The following RRAS2 variants were observed in gnomAD, a reference collection of about 807,000 sequenced individuals.
RRAS2 encodes ras-related protein R-Ras2.
Under a neutral mutation model 27.6 loss-of-function variants are expected in RRAS2, and 7 were observed. The observed-to-expected ratio is 0.25, with a 90% CI of 0.14 to 0.48. RRAS2 has a LOEUF of 0.48. Ranked by LOEUF, RRAS2 falls within the 20% of genes least tolerant of loss-of-function variation. The pLI, the probability that RRAS2 is intolerant of heterozygous loss-of-function variation, is 0.99. For missense variants in RRAS2, 178 were observed against 256.2 expected (o/e 0.69, Z 2.08); for synonymous variants, 86 against 90.9 (o/e 0.95, Z 0.31).
At chr11:14,341,675 A>G (rs1554953285) in intron 1 of RRAS2, 2 of 273,642 alleles carry the variant, frequency 7.3e-6, no homozygotes, top group African/African-American at 4.4e-5. Context: ...ACAAGTCATG[A>G]TACCTTTAAC....
chr11:14,315,243 G>C (rs1425254862), intron 1 of RRAS2, among the ~76,000 whole-genome samples: 3 of 152,166 alleles, frequency 2.0e-5, no homozygotes, highest in African/African-American at 7.2e-5. Flanking sequence ...TCAGCCAGAT[G>C]ATCAGGGTCA....
chr11:14,307,118 G>A (rs1847848704), intron 1 of RRAS2, among the ~76,000 whole-genome samples: 1 of 151,442 alleles, frequency 6.6e-6, no homozygotes, highest in African/African-American at 2.4e-5. Context: ...GGGAGCTCGG[G>A]AAGTCAAGGC....
chr11:14,293,159 ATATC>A (rs1373560549), intron 4 of RRAS2, among the ~76,000 whole-genome samples: 6 of 123,650 alleles, frequency 4.9e-5, no homozygotes, highest in African/African-American at 1.2e-4. Flanking sequence ...ATATATATAT[ATATC>A]ATTTTCTCTT....
chr11:14,361,070 G>A (rs781835947), upstream of RRAS2, among the ~76,000 whole-genome samples: 18 of 152,010 alleles, frequency 1.2e-4, no homozygotes, highest in Non-Finnish European at 2.2e-4. Context: ...CGGATTGCTC[G>A]CTTGAGCCCA....
intron 4 of RRAS2, among the ~76,000 whole-genome samples, chr11:14,282,033 G>C (rs1554944395): frequency 1.8e-4 from 27 of 152,206 alleles, no homozygotes. Flanking sequence ...ATACAACCCT[G>C]TCAGGGAGAT....
intron 3 of RRAS2, 23 bp from the exon 4 acceptor site, chr11:14,294,602 CAAATT>C: frequency 6.6e-7 from 1 of 1,513,038 alleles, no homozygotes; most frequent in South Asian, 1.2e-5. Context: ...AAATCAAAAA[CAAATT>C]AATCAATTTG....
chr11:14,300,752 C>A (rs1847677229), intron 1 of RRAS2, among the ~76,000 whole-genome samples: 1 of 152,122 alleles, frequency 6.6e-6, no homozygotes, highest in African/African-American at 2.4e-5. Flanking sequence ...AGTATCTCCC[C>A]ATTCAAAGAA....
At chr11:14,346,330 G>C (rs1390689814) in intron 1 of RRAS2, among the ~76,000 whole-genome samples, 1 of 152,176 alleles carries the variant, frequency 6.6e-6, no homozygotes, top group Non-Finnish European at 1.5e-5. Context: ...AGTCTTCCCA[G>C]ACCTGAGAGT....
chr11:14,347,788 G>C (rs1205920933), intron 1 of RRAS2, among the ~76,000 whole-genome samples: 1 of 151,860 alleles, frequency 6.6e-6, no homozygotes, highest in Non-Finnish European at 1.5e-5. Context: ...CTACACTACA[G>C]CCTGACCTGG....
rs1300341195 is a variant in RRAS2, at chr11:14,278,689, G to C, written c.*648C>G. ...ACTGAAATATCTAAGTCCTAAATGA[G>C]TCCAAATATTTGACCACATAGAATA... On this transcript the variant is annotated 3_prime_UTR_variant, in exon 6 of 6. Coordinates refer to ENST00000256196, the MANE Select transcript of RRAS2 (RefSeq NM_012250.6). 15 of 152,240 alleles carry C rather than the reference G, an allele frequency of 9.9e-5. No homozygotes were observed. Among genetic ancestry groups the C allele is most frequent in the Admixed American group, 9.2e-4 (14 of 15,270 alleles). The allele number at this position is 152,240 out of a possible 1,614,324, so 9.4% of individuals were successfully genotyped here.
At chr11:14,314,485 G>A (rs977529083) in intron 1 of RRAS2, among the ~76,000 whole-genome samples, 2 of 152,192 alleles carry the variant, frequency 1.3e-5, no homozygotes, top group Admixed American at 6.5e-5. Context: ...AAATATTAAC[G>A]AATTTTATTC....
chr11:14,304,309 G>C (rs1847785861), intron 1 of RRAS2, among the ~76,000 whole-genome samples: 1 of 152,144 alleles, frequency 6.6e-6, no homozygotes, highest in African/African-American at 2.4e-5. Context: ...AGCAGGAAAG[G>C]ACACCAAACA....
intron 1 of RRAS2, among the ~76,000 whole-genome samples, chr11:14,336,439 G>A (rs1483411145): frequency 1.3e-5 from 2 of 151,984 alleles, no homozygotes; most frequent in African/African-American, 2.4e-5. Context: ...AGAATTATCT[G>A]GCAAACATAT....
At chr11:14,289,337 A>T (rs1167288450) in intron 4 of RRAS2, among the ~76,000 whole-genome samples, 1 of 152,256 alleles carries the variant, frequency 6.6e-6, no homozygotes, top group Non-Finnish European at 1.5e-5. Flanking sequence ...TGGTAAAGAC[A>T]AAAAAGCAAA....
At chr11:14,294,689 A>C in intron 3 of RRAS2, 71 bp downstream of exon 3, 1 of 1,531,646 alleles carries the variant, frequency 6.5e-7, no homozygotes, top group Non-Finnish European at 8.9e-7. Flanking sequence ...ATAAAAACAA[A>C]AAGTCCAAAC....
chr11:14,326,463 A>C (rs1366303053), intron 1 of RRAS2, among the ~76,000 whole-genome samples: 1 of 152,242 alleles, frequency 6.6e-6, no homozygotes, highest in African/African-American at 2.4e-5. Flanking sequence ...CATTTCAGGA[A>C]ATATGTGCTT....
intron 1 of RRAS2, among the ~76,000 whole-genome samples, chr11:14,352,744 AAT>A (rs56241114): frequency 0.42 from 58,446 of 138,276 alleles, 12,641 homozygotes; most frequent in South Asian, 0.51. Flanking sequence ...AAACTTTTAA[AAT>A]ATATATATAT....
intron 1 of RRAS2, among the ~76,000 whole-genome samples, chr11:14,313,895 T>C (rs1477211290): frequency 2.6e-5 from 4 of 152,238 alleles, no homozygotes; most frequent in Admixed American, 2.6e-4. Flanking sequence ...AGGAAATTAA[T>C]ATACACATCT....
intron 1 of RRAS2, among the ~76,000 whole-genome samples, chr11:14,355,252 G>C (rs1849048235): frequency 6.6e-6 from 1 of 151,850 alleles, no homozygotes; most frequent in Non-Finnish European, 1.5e-5. Context: ...GCTCAGTCGA[G>C]ATAAAGGCAG....
Sources: allele counts gnomAD v4.1 joint callset (sites outside exome capture counted in the v4.1 genomes callset), GRCh38; gene constraint gnomAD v4.1.1; transcripts MANE v1.5; gene names NCBI Gene and HGNC (gene_info 2026-07-23, HGNC 2026-07-21).